Variants in LRP1B observed in about 807,000 individuals in gnomAD.
LRP1B encodes low-density lipoprotein receptor-related protein 1B.
A neutral mutation model predicts 556.6 loss-of-function variants in LRP1B; 217 were observed. That is an observed-to-expected ratio of 0.39 (90% CI 0.35 to 0.44). LRP1B has a LOEUF of 0.44. Ranked by LOEUF, LRP1B falls within the 20% of genes least tolerant of loss-of-function variation. The pLI is 1.00. For missense variants in LRP1B, 5,053 were observed against 5,620.8 expected (o/e 0.90, Z 3.23); for synonymous variants, 2,047 against 1,865.8 (o/e 1.10, Z -2.50).
chr2:140,355,439 C>T (rs936515524), intron 75 of LRP1B, among the ~76,000 whole-genome samples: 1 of 151,972 alleles, frequency 6.6e-6, no homozygotes, highest in Non-Finnish European at 1.5e-5. Context: ...TCCAAATACA[C>T]ATTTAACTCA....
intron 7 of LRP1B, among the ~76,000 whole-genome samples, chr2:141,131,913 A>G (rs746493392): frequency 1.9e-4 from 29 of 151,778 alleles, no homozygotes; most frequent in Non-Finnish European, 3.5e-4. Flanking sequence ...GTGGTGATTT[A>G]TGAGATTTTG....
chr2:141,914,025 C>T (rs995265633), intron 1 of LRP1B, among the ~76,000 whole-genome samples: 2 of 152,114 alleles, frequency 1.3e-5, no homozygotes, highest in Non-Finnish European at 2.9e-5. Context: ...GGATTACAGA[C>T]GTGAGCCACT....
intron 1 of LRP1B, among the ~76,000 whole-genome samples, chr2:141,911,859 T>G (rs1036610563): frequency 6.8e-6 from 1 of 147,472 alleles, no homozygotes; most frequent in Non-Finnish European, 1.5e-5. Flanking sequence ...GAGTCTCAAA[T>G]AAAATTTGTA....
At chr2:141,305,220 G>C (rs1686541633) in intron 3 of LRP1B, among the ~76,000 whole-genome samples, 1 of 152,072 alleles carries the variant, frequency 6.6e-6, no homozygotes, top group African/African-American at 2.4e-5. Context: ...CCATGAAAGT[G>C]GGATATTTTT....
At chr2:141,032,250 G>C (rs200727297) in intron 11 of LRP1B, among the ~76,000 whole-genome samples, 2 of 151,818 alleles carry the variant, frequency 1.3e-5, no homozygotes, top group African/African-American at 2.4e-5. Flanking sequence ...TAATATTATT[G>C]CTAACATAAA....
Position 140,700,300 on chromosome 2 carries a change from T to A in LRP1B, c.6749A>T (p.Asn2250Ile), listed in dbSNP as rs751448786. The stretch of plus-strand genomic sequence containing the variant: ...CCAGTTGTCTTTAATAAGCTGTATA[T>A]TTCCAAAGTGTGCATCACTGTAAAA... ...RIFYSDAHFG[N>I]IQLIKDNWED... The change falls in exon 41 of 91, where the codon AAT (asparagine) becomes ATT (isoleucine). Residue 2250 changes from asparagine to isoleucine, a missense_variant. Transcript: ENST00000389484. 1 of 1,612,794 alleles carries A rather than the reference T, an allele frequency of 6.2e-7. No homozygotes were observed. Among genetic ancestry groups the A allele is most frequent in the Non-Finnish European group, 8.5e-7 (1 of 1,179,214 alleles).
chr2:141,343,208 AT>A (rs1040856350), intron 3 of LRP1B, among the ~76,000 whole-genome samples: 4 of 152,140 alleles, frequency 2.6e-5, no homozygotes, highest in African/African-American at 7.2e-5. Context: ...TGGAGTTTTC[AT>A]TTCAGCATTG....
At chr2:142,086,835 G>A (rs540095601) in intron 1 of LRP1B, among the ~76,000 whole-genome samples, 1 of 152,144 alleles carries the variant, frequency 6.6e-6, no homozygotes, top group Non-Finnish European at 1.5e-5. Context: ...ACTGAATACT[G>A]TATCAGAGTT....
At chr2:141,900,585 T>C (rs970234645) in intron 1 of LRP1B, among the ~76,000 whole-genome samples, 2 of 152,062 alleles carry the variant, frequency 1.3e-5, no homozygotes, top group African/African-American at 4.8e-5. Context: ...GATGACCTCA[T>C]TTACTCATTG....
chr2:141,053,178 A>G (rs1699084204), intron 10 of LRP1B, among the ~76,000 whole-genome samples: 1 of 152,010 alleles, frequency 6.6e-6, no homozygotes, highest in African/African-American at 2.4e-5. Context: ...CATTTCACAG[A>G]CACTCATATA....
chr2:140,820,854 G>C (rs115025852), intron 31 of LRP1B, among the ~76,000 whole-genome samples: 2,845 of 149,142 alleles, frequency 0.019, 88 homozygotes, highest in African/African-American at 0.067. Flanking sequence ...TGCCTTTTAT[G>C]CCTGCTTTTC....
At chr2:141,145,291 G>A (rs1465992423) in intron 7 of LRP1B, among the ~76,000 whole-genome samples, 6 of 151,890 alleles carry the variant, frequency 4.0e-5, no homozygotes, top group South Asian at 2.1e-4. Flanking sequence ...TTAGTTCTAC[G>A]TGTGCTAATT....
At chr2:141,528,652 C>T (rs983074730) in intron 2 of LRP1B, among the ~76,000 whole-genome samples, 1 of 152,008 alleles carries the variant, frequency 6.6e-6, no homozygotes, top group Admixed American at 6.6e-5. Context: ...TTGGAAACTT[C>T]CTAATTTTCT....
At chr2:141,707,937 G>A (rs937271888) in intron 2 of LRP1B, among the ~76,000 whole-genome samples, 4 of 152,102 alleles carry the variant, frequency 2.6e-5, no homozygotes, top group Non-Finnish European at 5.9e-5. Context: ...ATCTTCTAAC[G>A]TTTGCCACAG....
intron 1 of LRP1B, among the ~76,000 whole-genome samples, chr2:141,875,735 A>G (rs1698735408): frequency 6.6e-6 from 1 of 152,004 alleles, no homozygotes; most frequent in Non-Finnish European, 1.5e-5. Flanking sequence ...TTCATGGAGA[A>G]GTCTGGACTG....
intron 21 of LRP1B, among the ~76,000 whole-genome samples, chr2:140,922,148 A>G (rs1353588381): frequency 6.6e-6 from 1 of 152,012 alleles, no homozygotes; most frequent in Non-Finnish European, 1.5e-5. Flanking sequence ...CTAAACTTCA[A>G]CACATCATCT....
intron 2 of LRP1B, among the ~76,000 whole-genome samples, chr2:141,704,281 T>C (rs78234210): frequency 3.3e-5 from 5 of 152,122 alleles, no homozygotes; most frequent in African/African-American, 1.2e-4. Context: ...CTTTTTCTTA[T>C]TCAAAATGGT....
chr2:141,178,603 C>T (rs1267248418), intron 7 of LRP1B, among the ~76,000 whole-genome samples: 1 of 152,002 alleles, frequency 6.6e-6, no homozygotes, highest in African/African-American at 2.4e-5. Context: ...TATTTGGTAG[C>T]CAGAAGAGAA....
At position 140,716,723 on chromosome 2, in the gene LRP1B, C is replaced by T. The variant is rs2105464192; in HGVS notation, c.5852G>A (p.Gly1951Asp). ...QTWKEDIITN[G>D]LGRVEGIAVD... ...AGCTATCCCTTCCACTCTTCCCAAG[C>T]CATTGGTAATGATATCTTCTTTCCA... Residue 1951 changes from glycine to aspartate, a missense_variant, in exon 36 of 91, where the codon GGC becomes GAC. By Grantham distance (94) the Gly-to-Asp change is moderately conservative (BLOSUM62 -1). Coordinates refer to ENST00000389484, the MANE Select transcript of LRP1B (RefSeq NM_018557.3). 6.2e-7 allele frequency: 1 copy of T among 1,612,324 alleles called. No homozygotes were observed. The highest frequency in any genetic ancestry group is 8.5e-7 in the Non-Finnish European group (1 of 1,178,824).
Sources: allele counts gnomAD v4.1 joint callset (sites outside exome capture counted in the v4.1 genomes callset), GRCh38; gene constraint gnomAD v4.1.1; transcripts MANE v1.5; gene names NCBI Gene and HGNC (gene_info 2026-07-23, HGNC 2026-07-21).